Variants in JPH3 observed in about 807,000 individuals in gnomAD.
The protein encoded by JPH3 is junctophilin 3, also known as junctophilin-3.
JPH3 carries 11 observed loss-of-function variants against 59.6 expected under a neutral mutation model. The observed-to-expected ratio is 0.18, with a 90% CI of 0.12 to 0.31. The LOEUF (loss-of-function observed/expected upper bound fraction) is 0.31, where lower values mean the gene tolerates loss of function less well. Ranked by LOEUF, JPH3 falls within the 10% of genes least tolerant of loss-of-function variation. The probability of loss-of-function intolerance (pLI) is 1.00; values close to 1 mark genes in which losing one functional copy is unlikely to be tolerated. For missense variants in JPH3, 1,202 were observed against 1,105.7 expected, an observed-to-expected ratio of 1.09 and a Z score of -1.24; for synonymous variants, 673 against 483.6, an observed-to-expected ratio of 1.39 and a Z score of -5.14.
At chr16:87,694,616 G>C (rs2033730317) in intron 4 of JPH3, 1 of 152,632 alleles carries the variant, frequency 6.6e-6, no homozygotes, top group Admixed American at 6.5e-5. Context: ...CGGCCCTGGA[G>C]AGCTGACTTC....
At chr16:87,631,158 T>G (rs1441073614) in intron 1 of JPH3, among the ~76,000 whole-genome samples, 1 of 152,206 alleles carries the variant, frequency 6.6e-6, no homozygotes, top group African/African-American at 2.4e-5. Context: ...ATACGTTTGT[T>G]TATTGATTGA....
intron 2 of JPH3, among the ~76,000 whole-genome samples, chr16:87,659,385 A>AAAAAAAAAAAAAAAAAAAT (rs2032624224): frequency 8.5e-6 from 1 of 118,304 alleles, no homozygotes; most frequent in Non-Finnish European, 2.0e-5. Flanking sequence ...AAAAAAAAAA[A>AAAAAAAAAAAAAAAAAAAT]AGAAAAAAAA....
chr16:87,639,334 C>G (rs544315777), intron 1 of JPH3, among the ~76,000 whole-genome samples: 3 of 152,142 alleles, frequency 2.0e-5, no homozygotes, highest in East Asian at 1.9e-4. Flanking sequence ...CTCCTAGCCC[C>G]TTCCTGACCC....
chr16:87,668,921 C>T (rs768996164), intron 2 of JPH3, among the ~76,000 whole-genome samples: 3 of 152,134 alleles, frequency 2.0e-5, no homozygotes, highest in Non-Finnish European at 4.4e-5. Flanking sequence ...CGTGGATCTC[C>T]TCTCCCTCGC....
At chr16:87,685,046 C>A (rs895271915) in intron 3 of JPH3, among the ~76,000 whole-genome samples, 24 of 152,212 alleles carry the variant, frequency 1.6e-4, no homozygotes, top group African/African-American at 5.5e-4. Context: ...GCTCTGCGCG[C>A]TGGAGGTCCG....
At chr16:87,604,167 G>A (rs763300913) in intron 1 of JPH3, 87 of 1,382,034 alleles carry the variant, frequency 6.3e-5, no homozygotes, top group Non-Finnish European at 7.8e-5. Flanking sequence ...TGAGAGCCCA[G>A]GAATCTCGTC....
At chr16:87,692,351 C>T (rs1302048018) in intron 4 of JPH3, among the ~76,000 whole-genome samples, 1 of 152,182 alleles carries the variant, frequency 6.6e-6, no homozygotes, top group Non-Finnish European at 1.5e-5. Flanking sequence ...CCGTGCCAGC[C>T]GGCATCCATG....
At chr16:87,687,135 C>T (rs1008159078) in intron 3 of JPH3, among the ~76,000 whole-genome samples, 1 of 152,174 alleles carries the variant, frequency 6.6e-6, no homozygotes, top group Non-Finnish European at 1.5e-5. Context: ...ATCAGTGTTC[C>T]CAGACCAGGC....
intron 2 of JPH3, among the ~76,000 whole-genome samples, chr16:87,659,566 T>C (rs1783400580): frequency 1.3e-5 from 2 of 151,688 alleles, no homozygotes; most frequent in African/African-American, 2.4e-5. Flanking sequence ...CTACTAAAAA[T>C]ACAAAAATTA....
chr16:87,688,706 C>T (rs992572246), intron 3 of JPH3, among the ~76,000 whole-genome samples: 2 of 152,150 alleles, frequency 1.3e-5, no homozygotes, highest in Non-Finnish European at 2.9e-5. Context: ...GACGGGGATG[C>T]TGGGGGCGGG....
intron 2 of JPH3, among the ~76,000 whole-genome samples, chr16:87,657,927 T>A (rs2150856460): frequency 6.6e-6 from 1 of 152,328 alleles, no homozygotes; most frequent in South Asian, 2.1e-4. Flanking sequence ...AGCTGGTGGC[T>A]GCCAGGGGAT....
chr16:87,648,772 C>T (rs1356373692), intron 2 of JPH3, among the ~76,000 whole-genome samples: 1 of 152,178 alleles, frequency 6.6e-6, no homozygotes, highest in Non-Finnish European at 1.5e-5. Context: ...GGGATGCGCC[C>T]AGTGTTCGGA....
At chr16:87,604,085 C>G (rs373172692) in intron 1 of JPH3, 4 of 985,474 alleles carry the variant, frequency 4.1e-6, no homozygotes, top group African/African-American at 1.7e-5. Context: ...CAGTACACTT[C>G]TAGGTGGTTG....
At chr16:87,695,716 C>T (rs1238827704) in intron 4 of JPH3, 1 of 422,906 alleles carries the variant, frequency 2.4e-6, no homozygotes, top group Non-Finnish European at 4.6e-6. Context: ...CCAGAGGGGC[C>T]ACGCTCCCTC....
At chr16:87,645,956 G>C (rs894966714) in intron 2 of JPH3, among the ~76,000 whole-genome samples, 2 of 152,242 alleles carry the variant, frequency 1.3e-5, no homozygotes, top group Non-Finnish European at 1.5e-5. Context: ...AGAAAACCCA[G>C]AGCCTTTGCT....
intron 2 of JPH3, among the ~76,000 whole-genome samples, chr16:87,671,958 G>A (rs1440675316): frequency 1.3e-5 from 2 of 152,214 alleles, no homozygotes; most frequent in Non-Finnish European, 2.9e-5. Flanking sequence ...CGTCTGTGGG[G>A]GGTGGCCGCA....
chr16:87,622,420 C>T (rs1043233223), intron 1 of JPH3, among the ~76,000 whole-genome samples: 1 of 152,154 alleles, frequency 6.6e-6, no homozygotes, highest in Non-Finnish European at 1.5e-5. Context: ...AGGGTGTCTC[C>T]AGCTGTGTTC....
At position 87,684,347 on chromosome 16, in the gene JPH3, C is replaced by T. The variant is rs377273521; in HGVS notation, c.1285+81C>T. On this transcript the variant is annotated intron_variant, in intron 3 of 4. Coordinates refer to ENST00000284262, the MANE Select transcript of JPH3 (RefSeq NM_020655.4). ...GGGCAGTCCTGGCAGCAGATGTGTCCTCCAGAGCGGGTAGGCTTAGATGGG... is the reference window on the plus strand; with the variant it reads ...GGGCAGTCCTGGCAGCAGATGTGTCTTCCAGAGCGGGTAGGCTTAGATGGG... 984 of 1,555,214 alleles carry T rather than the reference C, an allele frequency of 6.3e-4. 9 individuals carry two copies. Among genetic ancestry groups the T allele is most frequent in the South Asian group, 6.1e-3 (504 of 82,216 alleles).
At chr16:87,608,910 C>T (rs1385292116) in intron 1 of JPH3, among the ~76,000 whole-genome samples, 5 of 152,208 alleles carry the variant, frequency 3.3e-5, no homozygotes, top group African/African-American at 7.2e-5. Flanking sequence ...TGGTGCTGCA[C>T]GCCTGTGGTC....
Sources: gnomAD v4.1 joint callset for allele counts (sites outside exome capture counted in the v4.1 genomes callset) on GRCh38, gnomAD v4.1.1 for gene constraint, MANE v1.5 for transcripts, NCBI Gene and HGNC (gene_info 2026-07-23, HGNC 2026-07-21) for gene names.